The following XKR4 variants were observed in gnomAD, a reference collection of about 807,000 sequenced individuals.
XKR4 encodes the protein XK-related protein 4.
XKR4 carries 12 observed loss-of-function variants against 53.9 expected under a neutral mutation model. That is an observed-to-expected ratio of 0.22 (90% CI 0.14 to 0.36). The LOEUF (loss-of-function observed/expected upper bound fraction) is 0.36, where lower values mean the gene tolerates loss of function less well. Among genes scored for constraint, XKR4 ranks in the 10% least tolerant of loss-of-function variants. The pLI is 1.00. For missense variants in XKR4, 799 were observed against 859.5 expected (o/e 0.93, Z 0.88); for synonymous variants, 354 against 362.4 (o/e 0.98, Z 0.26).
chr8:55,435,974 G>T (rs1805172392), intron 2 of XKR4, among the ~76,000 whole-genome samples: 1 of 152,154 alleles, frequency 6.6e-6, no homozygotes, highest in African/African-American at 2.4e-5. Context: ...AACATTTTCT[G>T]CACAGTGAGC....
chr8:55,115,938 A>T (rs1816300287), intron 1 of XKR4, among the ~76,000 whole-genome samples: 1 of 152,120 alleles, frequency 6.6e-6, no homozygotes, highest in Admixed American at 6.5e-5. Context: ...AGTGGACAGG[A>T]GGTGGTGAGA....
chr8:55,357,528 T>G, intron 1 of XKR4, 150 bp from the exon 2 acceptor site: 1 of 742,920 alleles, frequency 1.3e-6, no homozygotes, highest in Non-Finnish European at 2.2e-6. Context: ...TCTTAAGCAG[T>G]TAACTTTGGA....
Position 55,534,634 on chromosome 8 carries a change from C to G in XKR4, c.*10407C>G, listed in dbSNP as rs1807005038. 1 of 151,786 alleles carries G rather than the reference C, an allele frequency of 6.6e-6. No homozygotes were observed. The highest frequency in any genetic ancestry group is 1.5e-5 in the Non-Finnish European group (1 of 68,134). The allele number at this position is 151,786 out of a possible 1,614,324, so 9.4% of individuals were successfully genotyped here. ...TCGTGATCTGCCCTCCTTGGCCTCCCAAAGTGCTGGGATTACAGGCGTGAG... is the reference window on the plus strand; with the variant it reads ...TCGTGATCTGCCCTCCTTGGCCTCCGAAAGTGCTGGGATTACAGGCGTGAG... On this transcript the variant is annotated 3_prime_UTR_variant, in exon 3 of 3. Coordinates refer to ENST00000327381, the MANE Select transcript of XKR4 (RefSeq NM_052898.2).
At chr8:55,289,712 A>G in intron 1 of XKR4, among the ~76,000 whole-genome samples, 1 of 84,996 alleles carries the variant, frequency 1.2e-5, no homozygotes, top group African/African-American at 3.0e-5. Context: ...AAAGAAAGAA[A>G]GAGAGAGAAA....
chr8:55,292,240 G>T (rs1585991594), intron 1 of XKR4, among the ~76,000 whole-genome samples: 1 of 152,080 alleles, frequency 6.6e-6, no homozygotes. Flanking sequence ...AGTGTATAGA[G>T]TTTATGTTAA....
At chr8:55,220,192 T>G (rs765052808) in intron 1 of XKR4, among the ~76,000 whole-genome samples, 4 of 152,082 alleles carry the variant, frequency 2.6e-5, no homozygotes, top group African/African-American at 4.8e-5. Flanking sequence ...TATACATAAT[T>G]ATTATTTATC....
intron 2 of XKR4, among the ~76,000 whole-genome samples, chr8:55,486,506 T>C (rs919393909): frequency 9.9e-5 from 15 of 152,248 alleles, no homozygotes; most frequent in Non-Finnish European, 1.9e-4. Context: ...CTCTGCACAA[T>C]TATACCTCCA....
At chr8:55,472,415 A>C (rs973412026) in intron 2 of XKR4, among the ~76,000 whole-genome samples, 2 of 152,162 alleles carry the variant, frequency 1.3e-5, no homozygotes, top group Non-Finnish European at 2.9e-5. Context: ...TTTAAAAATA[A>C]GTGATGAACA....
chr8:55,270,045 G>A (rs761099342), intron 1 of XKR4, among the ~76,000 whole-genome samples: 11 of 152,192 alleles, frequency 7.2e-5, no homozygotes, highest in Admixed American at 2.0e-4. Flanking sequence ...TAGGCCAAAT[G>A]TGAATTAAGC....
chr8:55,173,132 G>A (rs779946216), intron 1 of XKR4, among the ~76,000 whole-genome samples: 2 of 152,076 alleles, frequency 1.3e-5, no homozygotes, highest in Non-Finnish European at 2.9e-5. Flanking sequence ...GAGCTGTCCT[G>A]CCCCCGATCT....
chr8:55,174,241 C>T (rs961927427), intron 1 of XKR4, among the ~76,000 whole-genome samples: 5 of 151,964 alleles, frequency 3.3e-5, no homozygotes, highest in African/African-American at 1.2e-4. Context: ...GAAAAAATAT[C>T]TTCTAAATTT....
chr8:55,188,882 A>G (rs776535636), intron 1 of XKR4, among the ~76,000 whole-genome samples: 6 of 152,244 alleles, frequency 3.9e-5, no homozygotes, highest in Non-Finnish European at 5.9e-5. Flanking sequence ...TAAAGTCCTT[A>G]ATACAGAATC....
At chr8:55,484,508 G>A (rs1806163395) in intron 2 of XKR4, among the ~76,000 whole-genome samples, 1 of 152,308 alleles carries the variant, frequency 6.6e-6, no homozygotes. Flanking sequence ...GATACAGTCT[G>A]ATTCAATATT....
At chr8:55,203,612 C>T (rs905519115) in intron 1 of XKR4, among the ~76,000 whole-genome samples, 1 of 152,282 alleles carries the variant, frequency 6.6e-6, no homozygotes, top group African/African-American at 2.4e-5. Context: ...CAGCAGTGCT[C>T]AGCCTGGGCT....
intron 1 of XKR4, among the ~76,000 whole-genome samples, chr8:55,179,705 C>G (rs968787874): frequency 1.3e-5 from 2 of 152,118 alleles, no homozygotes; most frequent in Non-Finnish European, 2.9e-5. Flanking sequence ...GATAATAATA[C>G]AGCTTTACTT....
At chr8:55,429,585 T>G (rs1164762633) in intron 2 of XKR4, among the ~76,000 whole-genome samples, 2 of 151,806 alleles carry the variant, frequency 1.3e-5, no homozygotes, top group African/African-American at 4.8e-5. Flanking sequence ...TGTGGTGACA[T>G]GCACCTGTCA....
chr8:55,193,465 G>A (rs534642217), intron 1 of XKR4, among the ~76,000 whole-genome samples: 1 of 151,968 alleles, frequency 6.6e-6, no homozygotes, highest in Non-Finnish European at 1.5e-5. Flanking sequence ...TCTCTATCCG[G>A]CTGAGGCTGG....
intron 1 of XKR4, among the ~76,000 whole-genome samples, chr8:55,197,961 C>CATAA (rs928014113): frequency 1.5e-4 from 23 of 152,012 alleles, no homozygotes; most frequent in African/African-American, 1.2e-4. Context: ...ATTGTGGTAC[C>CATAA]ATAAATAAAT....
At chr8:55,126,216 G>A (rs1440599472) in intron 1 of XKR4, among the ~76,000 whole-genome samples, 1 of 152,168 alleles carries the variant, frequency 6.6e-6, no homozygotes, top group Admixed American at 6.5e-5. Context: ...ACTTGTATTG[G>A]TGGTAACTTG....
Sources: gnomAD v4.1 joint callset for allele counts (sites outside exome capture counted in the v4.1 genomes callset) on GRCh38, gnomAD v4.1.1 for gene constraint, MANE v1.5 for transcripts, NCBI Gene and HGNC (gene_info 2026-07-23, HGNC 2026-07-21) for gene names.